The following INSR variants were observed in gnomAD, a reference collection of about 807,000 sequenced individuals.
INSR encodes insulin receptor.
A neutral mutation model predicts 142.6 loss-of-function variants in INSR; 67 were observed. That is an observed-to-expected ratio of 0.47 (90% confidence interval 0.39 to 0.58). The LOEUF (loss-of-function observed/expected upper bound fraction) is 0.58. Among genes scored for constraint, INSR ranks in the 20% least tolerant of loss-of-function variants. The pLI is 0.00. For synonymous variants in INSR, 756 were observed against 743.1 expected (o/e 1.02, Z -0.28); for missense variants, 1,248 against 1,833.2 (o/e 0.68, Z 5.83).
intron 21 of INSR, among the ~76,000 whole-genome samples, chr19:7,117,648 C>T (rs1310280707): frequency 6.6e-6 from 1 of 152,152 alleles, no homozygotes; most frequent in African/African-American, 2.4e-5. Flanking sequence ...ATTCTGTCAC[C>T]CAGGCTGGAG....
chr19:7,292,596 C>T (rs1968527364), intron 1 of INSR, among the ~76,000 whole-genome samples: 2 of 152,254 alleles, frequency 1.3e-5, no homozygotes. Flanking sequence ...CATTTAAGAG[C>T]TTCAATTCCT....
At chr19:7,237,590 T>C (rs8109285) in intron 2 of INSR, among the ~76,000 whole-genome samples, 117,138 of 151,170 alleles carry the variant, frequency 0.77, 46,323 homozygotes, top group African/African-American at 0.94. Flanking sequence ...CCGAGGCGGG[T>C]GGATCATGAG....
intron 9 of INSR, among the ~76,000 whole-genome samples, chr19:7,153,256 ACACT>A (rs1204191407): frequency 1.8e-5 from 1 of 56,298 alleles, no homozygotes. Flanking sequence ...CACCACACAC[ACACT>A]ACATGCACAC....
intron 2 of INSR, among the ~76,000 whole-genome samples, chr19:7,189,876 C>A (rs1269690795): frequency 6.6e-6 from 1 of 152,014 alleles, no homozygotes; most frequent in Non-Finnish European, 1.5e-5. Flanking sequence ...GTTGGCCAGT[C>A]TGGTCTTGAA....
At chr19:7,186,468 T>A (rs1170915998) in intron 2 of INSR, among the ~76,000 whole-genome samples, 1 of 146,628 alleles carries the variant, frequency 6.8e-6, no homozygotes, top group Admixed American at 6.8e-5. Context: ...GAAATCCAAT[T>A]TTTTTTTTAA....
intron 2 of INSR, among the ~76,000 whole-genome samples, chr19:7,209,790 C>G (rs1484489996): frequency 1.3e-5 from 2 of 152,076 alleles, no homozygotes; most frequent in Non-Finnish European, 2.9e-5. Flanking sequence ...GGTTGAAATA[C>G]AGAACATTTG....
Position 7,294,352 on chromosome 19 carries a change from C to T in INSR, c.-461G>A, listed in dbSNP as rs544933418. 4.6e-5 allele frequency among the ~76,000 whole-genome samples: 7 copies of T among 151,612 alleles called. No homozygotes were observed. The South Asian group carries it at 1.2e-3, about 27-fold the overall frequency. ...GGCGGGAGAGAGGGCTGCTCGGGCC[C>T]GTAAACAACGCGGCCCGTCAGCTGG... On this transcript the variant is annotated 5_prime_UTR_variant, in exon 1 of 22. Coordinates refer to ENST00000302850, the MANE Select transcript of INSR (RefSeq NM_000208.4).
intron 2 of INSR, among the ~76,000 whole-genome samples, chr19:7,191,638 T>C (rs1325436083): frequency 6.6e-6 from 1 of 151,878 alleles, no homozygotes; most frequent in Non-Finnish European, 1.5e-5. Flanking sequence ...CTGGGCAAAA[T>C]AGCCAGACCC....
intron 3 of INSR, among the ~76,000 whole-genome samples, chr19:7,175,592 T>G: frequency 6.6e-6 from 1 of 152,268 alleles, no homozygotes; most frequent in South Asian, 2.1e-4. Flanking sequence ...CCCAGCACTT[T>G]GGGAGTCCGA....
At chr19:7,287,893 G>C (rs965292306) in intron 1 of INSR, among the ~76,000 whole-genome samples, 1 of 152,156 alleles carries the variant, frequency 6.6e-6, no homozygotes, top group African/African-American at 2.4e-5. Context: ...TGGAATTCCT[G>C]TTTTAACTAC....
chr19:7,289,247 G>A (rs1326780716), intron 1 of INSR, among the ~76,000 whole-genome samples: 1 of 151,982 alleles, frequency 6.6e-6, no homozygotes, highest in Non-Finnish European at 1.5e-5. Context: ...GGGCAGAACA[G>A]TGAGAAAAGA....
Position 7,171,031 on chromosome 19 carries a change from G to C in INSR, c.1269-280C>G, listed in dbSNP as rs549654711. ...TGCAGAAACCAATTTCTGCAAATAG[G>C]GGAAATACTGATAACACAGAGGCAC... On this transcript the variant is annotated intron_variant, in intron 5 of 21. Coordinates refer to ENST00000302850, the MANE Select transcript of INSR (RefSeq NM_000208.4). Among the ~76,000 whole-genome samples the C allele has an allele frequency of 2.0e-5, 3 of 152,252 alleles. No homozygotes were observed. The East Asian group carries it at 5.8e-4, about 29-fold the overall frequency.
intron 2 of INSR, among the ~76,000 whole-genome samples, chr19:7,190,145 G>C (rs529931268): frequency 6.6e-6 from 1 of 151,580 alleles, no homozygotes; most frequent in Non-Finnish European, 1.5e-5. Flanking sequence ...CCAGGCATTC[G>C]AGACCAGCCT....
chr19:7,188,813 G>C (rs1358724508), intron 2 of INSR, among the ~76,000 whole-genome samples: 1 of 141,070 alleles, frequency 7.1e-6, no homozygotes, highest in East Asian at 2.3e-4. Flanking sequence ...GGAGTTTGCA[G>C]TGAGTCAAGA....
At chr19:7,151,162 C>CTCTCTTTCTTTTCTT (rs1555740370) in intron 10 of INSR, among the ~76,000 whole-genome samples, 2 of 45,850 alleles carry the variant, frequency 4.4e-5, no homozygotes, top group Non-Finnish European at 1.3e-4. Flanking sequence ...TTCTTTCTTT[C>CTCTCTTTCTTTTCTT]TCTTTCTTTC....
chr19:7,131,175 C>T (rs1381038503), intron 14 of INSR, among the ~76,000 whole-genome samples: 11 of 151,280 alleles, frequency 7.3e-5, no homozygotes, highest in Admixed American at 4.6e-4. Context: ...CCACTGTGCC[C>T]GGCCAGGTAT....
At chr19:7,164,770 G>A (rs1973850903) in intron 8 of INSR, among the ~76,000 whole-genome samples, 1 of 144,224 alleles carries the variant, frequency 6.9e-6, no homozygotes, top group African/African-American at 2.6e-5. Flanking sequence ...AGGTTGCAGT[G>A]AGCTGAGATA....
At chr19:7,282,781 C>T (rs939104111) in intron 1 of INSR, among the ~76,000 whole-genome samples, 6 of 151,378 alleles carry the variant, frequency 4.0e-5, no homozygotes, top group African/African-American at 1.2e-4. Context: ...GTCAGGAGAT[C>T]GAGACCACGG....
chr19:7,142,707 G>T, intron 12 of INSR, 109 bp downstream of exon 12: 3 of 1,349,600 alleles, frequency 2.2e-6, no homozygotes, highest in South Asian at 1.2e-5. Flanking sequence ...AAAAATGAAG[G>T]CCAATAAGGT....
Sources: gnomAD v4.1 joint callset for allele counts (sites outside exome capture counted in the v4.1 genomes callset) on GRCh38, gnomAD v4.1.1 for gene constraint, MANE v1.5 for transcripts, NCBI Gene and HGNC (gene_info 2026-07-23, HGNC 2026-07-21) for gene names.